Variants in CHKA observed in about 807,000 individuals in gnomAD.
The protein encoded by CHKA is CHETK-alpha.
Under a neutral mutation model 60.1 loss-of-function variants are expected in CHKA, and 34 were observed. The ratio of observed to expected loss-of-function variants is 0.57; its 90% CI spans 0.43 to 0.75. CHKA has a LOEUF of 0.75. CHKA is among the 30% of genes least tolerant of loss of function. The pLI is 0.00. For synonymous variants in CHKA, 217 were observed against 223.1 expected (o/e 0.97, Z 0.24); for missense variants, 563 against 561.3 (o/e 1.00, Z -0.03).
At chr11:68,066,762 AC>A (rs1818364636) in intron 7 of CHKA, among the ~76,000 whole-genome samples, 1 of 152,014 alleles carries the variant, frequency 6.6e-6, no homozygotes, top group South Asian at 2.1e-4. Context: ...TCCTCGCCAG[AC>A]CCCCAGGATC....
At position 68,068,784 on chromosome 11, in the gene CHKA, C is replaced by T; in HGVS notation, c.928+95G>A. ...GTATCATACTTTAATGTACCTAATA[C>T]TCTTGATGCTACCTTACATTTTTCA... is the stretch of plus-strand genomic sequence containing the variant. On this transcript the variant is annotated intron_variant, in intron 7 of 11. Transcript: ENST00000265689. The T allele has an allele frequency of 8.8e-6, 7 of 791,782 alleles. No homozygotes were observed. In the South Asian group the frequency reaches 1.0e-4, roughly 12 times the overall value. 49.0% of individuals were successfully genotyped at this position (791,782 alleles called of 1,614,324 possible).
At position 68,068,880 on chromosome 11, in the gene CHKA, T is replaced by C; in HGVS notation, c.927A>G (p.Glu309=). ...PVVFCHNDCQ[E]GNILLLEGRE... is the part of the protein sequence containing the mutation. ...GTAACAGAACATAGCAATTCTTACC[T>C]TCTTGACAGTCATTATGACAAAATA... Residue 309 remains glutamate (E), a splice_region_variant and synonymous_variant, in exon 7 of 12, where the codon GAA becomes GAG. Coordinates refer to ENST00000265689, the MANE Select transcript of CHKA (RefSeq NM_001277.3). 5.0e-6 allele frequency: 8 copies of C among 1,607,578 alleles called. No individual in the cohort carries two copies. The highest frequency in any genetic ancestry group is 6.8e-6 in the Non-Finnish European group (8 of 1,174,354).
In CHKA at chr11:68,102,907, C is replaced by T. The variant is rs535776273; in HGVS notation, c.351-5777G>A. Among the ~76,000 whole-genome samples, 16 of 152,236 alleles carry T rather than the reference C, an allele frequency of 1.1e-4. No individual in the cohort carries two copies. The East Asian group carries it at 2.9e-3, about 28-fold the overall frequency. On this transcript the variant is annotated intron_variant, in intron 1 of 11. Transcript: ENST00000265689. ...ACTCAAGAGGCTGAGGCAAGAGGAT[C>T]ACTAGAGCCCAGGAAGTCAAGGCTG...
At chr11:68,061,834 G>T in intron 11 of CHKA, 119 bp downstream of exon 11, 1 of 770,566 alleles carries the variant, frequency 1.3e-6, no homozygotes, top group Non-Finnish European at 2.2e-6. Flanking sequence ...TCGGGTACTT[G>T]GGGAGACAGA....
chr11:68,103,007 C>T (rs912320341), intron 1 of CHKA, among the ~76,000 whole-genome samples: 3 of 151,738 alleles, frequency 2.0e-5, no homozygotes, highest in Non-Finnish European at 2.9e-5. Context: ...TAAATGGTGG[C>T]GTGTGCCTAT....
chr11:68,086,875 AC>A (rs1857196543), intron 2 of CHKA, among the ~76,000 whole-genome samples: 1 of 152,068 alleles, frequency 6.6e-6, no homozygotes, highest in Non-Finnish European at 1.5e-5. Flanking sequence ...TGTCCCAGCT[AC>A]TCGGGAGGCT....
chr11:68,085,718 C>T (rs1857157180), intron 2 of CHKA, among the ~76,000 whole-genome samples: 1 of 152,004 alleles, frequency 6.6e-6, no homozygotes, highest in South Asian at 2.1e-4. Context: ...TCAAATGTTA[C>T]TTTTCTAACA....
intron 3 of CHKA, among the ~76,000 whole-genome samples, chr11:68,080,488 C>T (rs146103274): frequency 7.2e-4 from 109 of 152,254 alleles, no homozygotes; most frequent in African/African-American, 2.6e-3. Context: ...GCTGGAATTA[C>T]AGGTGCCCAC....
chr11:68,091,725 C>T (rs1186466066), intron 2 of CHKA, among the ~76,000 whole-genome samples: 1 of 152,146 alleles, frequency 6.6e-6, no homozygotes, highest in African/African-American at 2.4e-5. Flanking sequence ...TAAAGGAAAT[C>T]AGACATCTTA....
At chr11:68,094,209 T>C (rs949148413) in intron 2 of CHKA, among the ~76,000 whole-genome samples, 1 of 152,248 alleles carries the variant, frequency 6.6e-6, no homozygotes, top group African/African-American at 2.4e-5. Flanking sequence ...GACTTAATCG[T>C]TGCAGAACGT....
Position 68,064,611 on chromosome 11 carries a change from G to A in CHKA, c.1146C>T (p.Tyr382=), listed in dbSNP as rs751680030. ...CAAAGTCATTTTGGAATGCAGGCAAGTAACTGGAAATAAAATGGAGCTTAA... is the reference window on the plus strand; with the variant it reads ...CAAAGTCATTTTGGAATGCAGGCAAATAACTGGAAATAAAATGGAGCTTAA... ...KKQQLHFISS[Y]LPAFQNDFEN... The change falls in exon 10 of 12, where the codon TAC becomes TAT. Residue 382 remains tyrosine (Y), a synonymous_variant. Coordinates refer to ENST00000265689, the MANE Select transcript of CHKA (RefSeq NM_001277.3). 25 of 1,589,540 alleles carry A rather than the reference G, an allele frequency of 1.6e-5. No homozygotes were observed. The East Asian group carries it at 1.8e-4, about 11-fold the overall frequency.
intron 2 of CHKA, among the ~76,000 whole-genome samples, chr11:68,086,998 T>C (rs1050421685): frequency 3.8e-4 from 56 of 146,630 alleles, no homozygotes; most frequent in African/African-American, 1.4e-3. Flanking sequence ...AAAAAAAAAA[T>C]GTCATTTAAA....
intron 2 of CHKA, among the ~76,000 whole-genome samples, chr11:68,093,904 C>T (rs577326597): frequency 2.1e-4 from 32 of 152,302 alleles, no homozygotes; most frequent in African/African-American, 7.7e-4. Context: ...TTGCCACATT[C>T]CACATATTCG....
chr11:68,109,296 A>G (rs1858044353), intron 1 of CHKA, among the ~76,000 whole-genome samples: 1 of 151,914 alleles, frequency 6.6e-6, no homozygotes. Context: ...TCACCGTGTT[A>G]GCCAGGATGG....
At chr11:68,120,688 C>A in intron 1 of CHKA, 140 bp downstream of exon 1, 2 of 285,768 alleles carry the variant, frequency 7.0e-6, no homozygotes, top group South Asian at 1.3e-4. Flanking sequence ...CGGCTGCGGT[C>A]CCCGGTCCCC....
At chr11:68,105,536 A>AAAG (rs1565192542) in intron 1 of CHKA, among the ~76,000 whole-genome samples, 1 of 150,612 alleles carries the variant, frequency 6.6e-6, no homozygotes, top group Non-Finnish European at 1.5e-5. Context: ...AAAAAAAAAA[A>AAAG]AAAAGAAAAG....
rs935864448 is a variant in CHKA, at chr11:68,070,759, A to G, written c.729T>C (p.Asn243=). ...TGCCAAAAAGCCATTTTGGTTCCTT[A>G]TTGAATGGCATTTTCATACCATGAA... ...ATFHGMKMPF[N]KEPKWLFGTM... Residue 243 remains asparagine (N), a synonymous_variant, in exon 5 of 12, where the codon AAT becomes AAC. Coordinates refer to ENST00000265689, the MANE Select transcript of CHKA (RefSeq NM_001277.3). 7 of 1,612,904 alleles carry G rather than the reference A, an allele frequency of 4.3e-6. No individual in the cohort carries two copies. In the African/African-American group the frequency reaches 9.3e-5, roughly 22 times the overall value.
intron 1 of CHKA, among the ~76,000 whole-genome samples, chr11:68,098,929 C>A (rs1857607206): frequency 6.6e-6 from 1 of 152,114 alleles, no homozygotes; most frequent in African/African-American, 2.4e-5. Context: ...AGGTGATCCA[C>A]CCATCTCGGC....
intron 2 of CHKA, among the ~76,000 whole-genome samples, chr11:68,088,257 A>G (rs550038643): frequency 3.3e-5 from 5 of 152,264 alleles, no homozygotes; most frequent in African/African-American, 1.2e-4. Flanking sequence ...GTACTGAAAC[A>G]ACTCCCAGGT....
Sources: allele counts gnomAD v4.1 joint callset (sites outside exome capture counted in the v4.1 genomes callset), GRCh38; gene constraint gnomAD v4.1.1; transcripts MANE v1.5; gene names NCBI Gene and HGNC (gene_info 2026-07-23, HGNC 2026-07-21).